The following DDX50 variants were observed in gnomAD, a reference collection of about 807,000 sequenced individuals.
The protein encoded by DDX50 is ATP-dependent RNA helicase DDX50.
DDX50 carries 56 observed loss-of-function variants against 94.8 expected under a neutral mutation model. The observed-to-expected ratio is 0.59, with a 90% CI of 0.48 to 0.74. The LOEUF (loss-of-function observed/expected upper bound fraction) is 0.74. Among genes scored for constraint, DDX50 ranks in the 30% least tolerant of loss-of-function variants. The pLI is 0.00. For synonymous variants in DDX50, 264 were observed against 295.4 expected (o/e 0.89, Z 1.09); for missense variants, 713 against 881.2 (o/e 0.81, Z 2.42).
At chr10:68,905,520 T>C (rs879729695) in intron 1 of DDX50, among the ~76,000 whole-genome samples, 13 of 152,242 alleles carry the variant, frequency 8.5e-5, no homozygotes, top group Admixed American at 1.3e-4. Context: ...CAGGCAGTGC[T>C]AGATTCAGTT....
intron 7 of DDX50, among the ~76,000 whole-genome samples, chr10:68,914,748 A>G (rs1841731906): frequency 1.3e-5 from 2 of 152,186 alleles, no homozygotes; most frequent in Admixed American, 6.5e-5. Context: ...TGGGCTGAGC[A>G]TGGTGGCTCA....
intron 8 of DDX50, among the ~76,000 whole-genome samples, chr10:68,926,538 G>GT (rs1402051763): frequency 6.6e-6 from 1 of 151,922 alleles, no homozygotes; most frequent in Non-Finnish European, 1.5e-5. Flanking sequence ...ATAGTTTTTT[G>GT]TTTTTATTTT....
Position 68,931,392 on chromosome 10 carries a change from A to AAAATAT in DDX50, c.1240-2806_1240-2805insAATATA, listed in dbSNP as rs1256416800. On this transcript the variant is annotated intron_variant, in intron 8 of 14. Transcript: ENST00000373585. The stretch of plus-strand genomic sequence containing the variant: ...TGGGTGACGGATCATTAAAAAAAAA[A>AAAATAT]ATATATATATATATATATGTATATA... Among the ~76,000 whole-genome samples the AAAATAT allele has an allele frequency of 4.4e-3, 381 of 85,734 alleles. 2 individuals are homozygous for AAAATAT. Among genetic ancestry groups the AAAATAT allele is most frequent in the African/African-American group, 0.012 (260 of 21,082 alleles). 56.2% of individuals were successfully genotyped at this position (85,734 alleles called of 152,430 possible). A position where few individuals can be genotyped will look rare whatever the true frequency, so the allele number is the denominator to read the frequency against.
rs748750747 is a variant in DDX50, at chr10:68,929,251, C to CCCTTCCTTCCTTCCTTCCTT, written c.1240-4924_1240-4905dup. On this transcript the variant is annotated intron_variant, in intron 8 of 14. Transcript: ENST00000373585. ...TATGAGCCACTATGCCCAGCCTGGT[C>CCCTTCCTTCCTTCCTTCCTT]CCTTCCTTCCTTCCTTCCTTCCTTC... Among the ~76,000 whole-genome samples the CCCTTCCTTCCTTCCTTCCTT allele has an allele frequency of 4.9e-4, 58 of 117,994 alleles. No individual in the cohort carries two copies. The East Asian group carries it at 5.2e-3, about 11-fold the overall frequency. 77.4% of individuals were successfully genotyped at this position (117,994 alleles called of 152,430 possible).
chr10:68,931,264 T>C (rs2132050840), intron 8 of DDX50, among the ~76,000 whole-genome samples: 1 of 151,662 alleles, frequency 6.6e-6, no homozygotes, highest in East Asian at 1.9e-4. Flanking sequence ...TTATTATATT[T>C]GTGGAGTAAA....
intron 1 of DDX50, 55 bp downstream of exon 1, chr10:68,901,526 G>C (rs1317614414): frequency 6.6e-7 from 1 of 1,526,244 alleles, no homozygotes; most frequent in African/African-American, 1.4e-5. Context: ...TGGGCGGGGA[G>C]GGGAACTGTC....
At chr10:68,929,306 T>TTC (rs1483739635) in intron 8 of DDX50, among the ~76,000 whole-genome samples, 4,421 of 144,366 alleles carry the variant, frequency 0.031, 215 homozygotes, top group African/African-American at 0.11. Context: ...TCTCTCTCTC[T>TTC]CTCTCTCTTT....
At chr10:68,921,733 C>T (rs543215773) in intron 8 of DDX50, among the ~76,000 whole-genome samples, 12 of 152,216 alleles carry the variant, frequency 7.9e-5, no homozygotes, top group Admixed American at 3.9e-4. Flanking sequence ...TGTCTTTATA[C>T]CTCAAAATTA....
intron 8 of DDX50, among the ~76,000 whole-genome samples, chr10:68,930,192 A>G (rs1842219804): frequency 7.5e-6 from 1 of 133,390 alleles, no homozygotes; most frequent in African/African-American, 2.9e-5. Flanking sequence ...ATCCCAGCTC[A>G]CTGCAACTTC....
Position 68,946,778 on chromosome 10 carries a change from A to G in DDX50, c.*148A>G. On this transcript the variant is annotated 3_prime_UTR_variant, in exon 15 of 15. Coordinates refer to ENST00000373585, the MANE Select transcript of DDX50 (RefSeq NM_024045.2). The stretch of plus-strand genomic sequence containing the variant: ...GTATTTTTTTAAAAAGTATTTCACA[A>G]GAATGGAACAAATCTACTTATCCAG... 1 of 993,376 alleles carries G rather than the reference A, an allele frequency of 1.0e-6. No individual in the cohort carries two copies. Among genetic ancestry groups the G allele is most frequent in the Admixed American group, 2.8e-5 (1 of 36,014 alleles). 61.5% of individuals were successfully genotyped at this position (993,376 alleles called of 1,614,324 possible). A position where few individuals can be genotyped will look rare whatever the true frequency, so the allele number is the denominator to read the frequency against.
At chr10:68,910,548 G>A (rs1208836595) in intron 3 of DDX50, among the ~76,000 whole-genome samples, 166 bp downstream of exon 3, 14 of 152,152 alleles carry the variant, frequency 9.2e-5, no homozygotes, top group Admixed American at 7.9e-4. Context: ...GATTATAGGC[G>A]TGTGCCACCA....
chr10:68,902,165 TTCC>T (rs1564596528), intron 1 of DDX50, among the ~76,000 whole-genome samples: 1 of 136,912 alleles, frequency 7.3e-6, no homozygotes, highest in African/African-American at 2.7e-5. Flanking sequence ...GTTGTAGTCT[TTCC>T]TCCTCCCAGC....
In DDX50 at chr10:68,913,409, G is replaced by A; in HGVS notation, c.776G>A (p.Gly259Asp). The change falls in exon 6 of 15, where the codon GGT becomes GAT. Residue 259 changes from glycine to aspartate, a missense_variant. By Grantham distance (94) the Gly-to-Asp change is moderately conservative. This residue lies in a region of DDX50 where 428 missense variants were observed against 602.3 expected (regional missense o/e 0.71). Coordinates refer to ENST00000373585, the MANE Select transcript of DDX50 (RefSeq NM_024045.2). Reference protein sequence around the residue: ...YQSQINHIRNGIDILVGTPGR... With the variant: ...YQSQINHIRNDIDILVGTPGR... The stretch of plus-strand genomic sequence containing the variant: ...CTCACAGTTAATCATATTCGAAATG[G>A]TATTGACATCTTGGTTGGAACACCT... 1 of 1,613,346 alleles carries A rather than the reference G, an allele frequency of 6.2e-7. No individual in the cohort carries two copies. The highest frequency in any genetic ancestry group is 8.5e-7 in the Non-Finnish European group (1 of 1,179,800).
chr10:68,931,112 C>T (rs999184583), intron 8 of DDX50, among the ~76,000 whole-genome samples: 2 of 152,110 alleles, frequency 1.3e-5, no homozygotes, highest in African/African-American at 2.4e-5. Context: ...TCATCCATTA[C>T]ATTCATTGTC....
At chr10:68,929,939 G>C (rs1842208272) in intron 8 of DDX50, among the ~76,000 whole-genome samples, 1 of 150,754 alleles carries the variant, frequency 6.6e-6, no homozygotes, top group Non-Finnish European at 1.5e-5. Context: ...TGCCATGTTG[G>C]CCAGGCTGGT....
intron 10 of DDX50, 64 bp from the exon 11 acceptor site, chr10:68,935,942 T>G (rs2132056782): frequency 9.2e-7 from 1 of 1,082,906 alleles, no homozygotes; most frequent in East Asian, 2.5e-5. Context: ...ACTATTAAAA[T>G]ATTAATTTAG....
Position 68,913,423 on chromosome 10 carries a change from G to A in DDX50, c.790G>A (p.Val264Ile), listed in dbSNP as rs1245937069. 6.2e-7 allele frequency: 1 copy of A among 1,613,706 alleles called. No homozygotes were observed. Among genetic ancestry groups the A allele is most frequent in the Admixed American group, 1.7e-5 (1 of 59,942 alleles). The change falls in exon 6 of 15, where the codon GTT becomes ATT. Residue 264 changes from valine (V) to isoleucine (I), a missense_variant. Transcript: ENST00000373585. ...TATTCGAAATGGTATTGACATCTTGGTTGGAACACCTGGTCGTATCAAAGA... is the reference window on the plus strand; with the variant it reads ...TATTCGAAATGGTATTGACATCTTGATTGGAACACCTGGTCGTATCAAAGA... ...NHIRNGIDIL[V>I]GTPGRIKDHL...
Position 68,946,653 on chromosome 10 carries a change from G to A in DDX50, c.*23G>A, listed in dbSNP as rs753853070. 5.6e-6 allele frequency: 9 copies of A among 1,599,878 alleles called. No individual in the cohort carries two copies. In the Admixed American group the frequency reaches 1.2e-4, roughly 21 times the overall value. ...TGAGTATTTGATAGTTAATCTACCA[G>A]TGTGAGCTTGCCTATTTCTGCCTAA... On this transcript the variant is annotated 3_prime_UTR_variant, in exon 15 of 15. Coordinates refer to ENST00000373585, the MANE Select transcript of DDX50 (RefSeq NM_024045.2).
At chr10:68,940,378 TAAA>T (rs75318772) in intron 12 of DDX50, among the ~76,000 whole-genome samples, 10 of 134,046 alleles carry the variant, frequency 7.5e-5, no homozygotes, top group Non-Finnish European at 1.1e-4. Flanking sequence ...GACCCTGTCT[TAAA>T]AAAAAAAAAA....
Sources: gnomAD v4.1 joint callset for allele counts (sites outside exome capture counted in the v4.1 genomes callset) on GRCh38, gnomAD v4.1.1 for gene constraint, gnomAD v4.1.1 regional missense constraint, MANE v1.5 for transcripts, NCBI Gene and HGNC (gene_info 2026-07-23, HGNC 2026-07-21) for gene names.